Variants in ZNF383 observed in about 807,000 individuals in gnomAD.
ZNF383 encodes zinc finger protein 383.
Under a neutral mutation model 44.2 loss-of-function variants are expected in ZNF383, and 32 were observed. The observed-to-expected ratio is 0.72, with a 90% CI of 0.55 to 0.97. The LOEUF is 0.97. ZNF383 is among the 50% of genes least tolerant of loss of function. The pLI, the probability that ZNF383 is intolerant of heterozygous loss-of-function variation, is 0.00. For synonymous variants in ZNF383, 155 were observed against 186.2 expected (o/e 0.83, Z 1.36); for missense variants, 487 against 562.5 (o/e 0.87, Z 1.36).
intron 5 of ZNF383, among the ~76,000 whole-genome samples, chr19:37,236,954 AACACAC>A (rs35036376): frequency 0.11 from 16,420 of 146,732 alleles, 1,395 homozygotes; most frequent in African/African-American, 0.25. Context: ...CACACATGTG[AACACAC>A]ACACACACAC....
In ZNF383 at chr19:37,230,351, A is replaced by G. The variant is rs369086236; in HGVS notation, c.-45-58A>G. 9 of 1,253,452 alleles carry G rather than the reference A, an allele frequency of 7.2e-6. No homozygotes were observed. The East Asian group carries it at 9.3e-5, about 13-fold the overall frequency. The allele number at this position is 1,253,452 out of a possible 1,614,324, so 77.6% of individuals were successfully genotyped here. A position where few individuals can be genotyped will look rare whatever the true frequency, so the allele number is the denominator to read the frequency against. ...GTGGTTTTATCTGACCTCTAGTGTGATTTCTAGAGGGTTTTACTTCCCCAG... is the reference window on the plus strand; with the variant it reads ...GTGGTTTTATCTGACCTCTAGTGTGGTTTCTAGAGGGTTTTACTTCCCCAG... On this transcript the variant is annotated intron_variant, in intron 2 of 5. Transcript: ENST00000684119.
In ZNF383 at chr19:37,248,538, G is replaced by C. The variant is rs1394123581; in HGVS notation, c.*4874G>C. ...TTGTATTTCTTAGTGTCTGAACTCA[G>C]GAACCAAATAGATGTGGATAGCATG... is the stretch of plus-strand genomic sequence containing the variant. On this transcript the variant is annotated 3_prime_UTR_variant, in exon 6 of 6. Coordinates refer to ENST00000684119, the MANE Select transcript of ZNF383 (RefSeq NM_001387601.1). 6.6e-6 allele frequency: 1 copy of C among 152,078 alleles called. No homozygotes were observed. The highest frequency in any genetic ancestry group is 1.5e-5 in the Non-Finnish European group (1 of 68,012). The allele number at this position is 152,078 out of a possible 1,614,324, so 9.4% of individuals were successfully genotyped here. A position where few individuals can be genotyped will look rare whatever the true frequency, so the allele number is the denominator to read the frequency against.
chr19:37,234,072 C>T lies in ZNF383; in HGVS notation c.10-1477C>T, dbSNP rs370364466. 1.4e-4 allele frequency among the ~76,000 whole-genome samples: 22 copies of T among 152,126 alleles called. No individual in the cohort carries two copies. In the East Asian group the frequency reaches 4.3e-3, roughly 30 times the overall value. On this transcript the variant is annotated intron_variant, in intron 3 of 5. Coordinates refer to ENST00000684119, the MANE Select transcript of ZNF383 (RefSeq NM_001387601.1). ...AAAGACGGGGTTTCTCCATGTTGGT[C>T]AGGCTGGTCTTGAACTCCTGACCTC...
In ZNF383 at chr19:37,235,683, C is replaced by T; in HGVS notation, c.136+8C>T. ...GCAATCTGGTTTCAATGGGTAAGGGCATCTGTACCAGTGATTCCCAGTTCT... is the reference window on the plus strand; with the variant it reads ...GCAATCTGGTTTCAATGGGTAAGGGTATCTGTACCAGTGATTCCCAGTTCT... On this transcript the variant is annotated splice_region_variant and intron_variant, in intron 4 of 5. Coordinates refer to ENST00000684119, the MANE Select transcript of ZNF383 (RefSeq NM_001387601.1). 1 of 1,596,490 alleles carries T rather than the reference C, an allele frequency of 6.3e-7. No homozygotes were observed. Among genetic ancestry groups the T allele is most frequent in the Non-Finnish European group, 8.5e-7 (1 of 1,172,008 alleles).
chr19:37,224,173 AT>A (rs1973050893), intron 1 of ZNF383, among the ~76,000 whole-genome samples: 1 of 152,138 alleles, frequency 6.6e-6, no homozygotes, highest in Admixed American at 6.6e-5. Context: ...CAAATATAAA[AT>A]TTTTAGTTTA....
rs1974266108 is a variant in ZNF383 at position 37,244,053 on chromosome 19, T to G, written c.*389T>G. 1 of 156,354 alleles carries G rather than the reference T, an allele frequency of 6.4e-6. No individual in the cohort carries two copies. The highest frequency in any genetic ancestry group is 6.5e-5 in the Admixed American group (1 of 15,434). 9.7% of individuals were successfully genotyped at this position (156,354 alleles called of 1,614,324 possible). A position where few individuals can be genotyped will look rare whatever the true frequency, so the allele number is the denominator to read the frequency against. On this transcript the variant is annotated 3_prime_UTR_variant, in exon 6 of 6. Coordinates refer to ENST00000684119, the MANE Select transcript of ZNF383 (RefSeq NM_001387601.1). ...GGAGGTTTAACTTTGTTTTTGAAGT[T>G]AGTGTTAGTCTTTTTGTTTTATTTT...
chr19:37,222,407 G>T (rs1036321151), intron 1 of ZNF383, among the ~76,000 whole-genome samples: 1 of 151,538 alleles, frequency 6.6e-6, no homozygotes, highest in Non-Finnish European at 1.5e-5. Flanking sequence ...AGACAGTTTC[G>T]CTCTTGTTGC....
rs774901192 is a variant in ZNF383 at position 37,229,147 on chromosome 19, AT to A, written c.-45-1238del. 4.9e-3 allele frequency among the ~76,000 whole-genome samples: 570 copies of A among 116,868 alleles called. 4 individuals are homozygous for A. Among genetic ancestry groups the A allele is most frequent in the African/African-American group, 0.013 (383 of 29,250 alleles). 76.7% of individuals were successfully genotyped at this position (116,868 alleles called of 152,430 possible). ...CCTTTTGGCAATGGCAAAAGGTTGA[AT>A]TTTTTTTTTTTTTTTTTTTTTTTGA... On this transcript the variant is annotated intron_variant, in intron 2 of 5. Transcript: ENST00000684119.
At chr19:37,237,365 T>C (rs184843056) in intron 5 of ZNF383, among the ~76,000 whole-genome samples, 20 of 152,208 alleles carry the variant, frequency 1.3e-4, no homozygotes, top group Admixed American at 5.2e-4. Context: ...AGAGATATTG[T>C]TGGGGCCAAG....
intron 5 of ZNF383, 51 bp from the exon 6 acceptor site, chr19:37,242,418 A>G (rs1238962851): frequency 7.8e-7 from 1 of 1,277,846 alleles, no homozygotes; most frequent in East Asian, 2.4e-5. Context: ...ATAAAAGTTT[A>G]ATTTTTCACA....
At position 37,248,007 on chromosome 19, in the gene ZNF383, A is replaced by G. The variant is rs1411611685; in HGVS notation, c.*4343A>G. On this transcript the variant is annotated 3_prime_UTR_variant, in exon 6 of 6. Coordinates refer to ENST00000684119, the MANE Select transcript of ZNF383 (RefSeq NM_001387601.1). ...AAAAATTAGCCGGGCGTGGTGGCTC[A>G]TGCCTGTAATCCCGGCTACTCAGGA... 6.6e-6 allele frequency: 1 copy of G among 152,192 alleles called. No individual in the cohort carries two copies. Among genetic ancestry groups the G allele is most frequent in the African/African-American group, 2.4e-5 (1 of 41,438 alleles). 9.4% of individuals were successfully genotyped at this position (152,192 alleles called of 1,614,324 possible).
At chr19:37,238,423 G>A (rs918361119) in intron 5 of ZNF383, among the ~76,000 whole-genome samples, 14 of 151,584 alleles carry the variant, frequency 9.2e-5, no homozygotes, top group African/African-American at 3.1e-4. Context: ...ATGTGTATAT[G>A]AAATGTCAGG....
chr19:37,221,336 A>G (rs912273048), intron 1 of ZNF383, among the ~76,000 whole-genome samples: 4 of 152,112 alleles, frequency 2.6e-5, no homozygotes, highest in African/African-American at 7.2e-5. Context: ...TAATCCCAGC[A>G]CTTTGGGAGG....
chr19:37,230,502 T>TAA (rs56895666), intron 3 of ZNF383, 40 bp downstream of exon 3: 5,184 of 1,475,906 alleles, frequency 3.5e-3, no homozygotes, highest in African/African-American at 4.1e-3. Flanking sequence ...ACATTTAGTT[T>TAA]AAAAAAAAAA....
chr19:37,235,434 G>A, intron 3 of ZNF383, 115 bp from the exon 4 acceptor site: 1 of 1,013,542 alleles, frequency 9.9e-7, no homozygotes, highest in Non-Finnish European at 1.5e-6. Flanking sequence ...TAAAGATACA[G>A]GTTCTCAGTG....
At chr19:37,228,344 G>T (rs1407492104) in intron 2 of ZNF383, among the ~76,000 whole-genome samples, 7 of 151,508 alleles carry the variant, frequency 4.6e-5, no homozygotes, top group Admixed American at 1.3e-4. Flanking sequence ...GTATGGCTTG[G>T]GTTTTTTTAG....
At chr19:37,241,237 G>A (rs972753903) in intron 5 of ZNF383, among the ~76,000 whole-genome samples, 2 of 152,170 alleles carry the variant, frequency 1.3e-5, no homozygotes, top group African/African-American at 4.8e-5. Context: ...CCATAGTACT[G>A]TCCTCACCTC....
intron 5 of ZNF383, among the ~76,000 whole-genome samples, chr19:37,241,126 C>T (rs1229234732): frequency 6.6e-6 from 1 of 152,072 alleles, no homozygotes; most frequent in Non-Finnish European, 1.5e-5. Context: ...AAATTGTATC[C>T]ACTGTATCCT....
Position 37,242,965 on chromosome 19 carries a change from AC to A in ZNF383, c.730del (p.His244IlefsTer198). 6.2e-7 allele frequency: 1 copy of A among 1,614,116 alleles called. No individual in the cohort carries two copies. The highest frequency in any genetic ancestry group is 8.5e-7 in the Non-Finnish European group (1 of 1,180,012). ...AFSCSSYLSQ[H>X]QRIHTGKKPY... ...TCAGTTGTAGCTCATACCTTTCTCAACATCAGAGAATCCATACCGGTAAGAA... is the reference window on the plus strand; with the variant it reads ...TCAGTTGTAGCTCATACCTTTCTCAAATCAGAGAATCCATACCGGTAAGAA... On this transcript the variant is annotated frameshift_variant, in exon 6 of 6. Coordinates refer to ENST00000684119, the MANE Select transcript of ZNF383 (RefSeq NM_001387601.1). LOFTEE classifies it high-confidence loss of function.
Sources: gnomAD v4.1 joint callset for allele counts (sites outside exome capture counted in the v4.1 genomes callset) on GRCh38, gnomAD v4.1.1 for gene constraint, MANE v1.5 for transcripts, NCBI Gene and HGNC (gene_info 2026-07-23, HGNC 2026-07-21) for gene names.